Variants in IL19 observed in about 807,000 individuals in gnomAD.
The protein encoded by IL19 is interleukin 19, also known as interleukin-19.
A neutral mutation model predicts 19.5 loss-of-function variants in IL19; 15 were observed. The observed-to-expected ratio is 0.77, with a 90% CI of 0.52 to 1.19. The LOEUF (loss-of-function observed/expected upper bound fraction) is 1.19, where lower values mean the gene tolerates loss of function less well. Among genes scored for constraint, IL19 ranks in the 50% most tolerant of loss-of-function variants. The probability of loss-of-function intolerance (pLI) is 0.00; values close to 1 mark genes in which losing one functional copy is unlikely to be tolerated. For missense variants in IL19, 199 were observed against 213.1 expected (o/e 0.93, Z 0.41); for synonymous variants, 78 against 78.3 (o/e 1.00, Z 0.02).
intron 1 of IL19, among the ~76,000 whole-genome samples, chr1:206,797,187 A>G (rs1234029947): frequency 6.6e-6 from 1 of 152,196 alleles, no homozygotes; most frequent in East Asian, 1.9e-4. Flanking sequence ...GTCCGGGGTC[A>G]TAGTGACACA....
intron 4 of IL19, 44 bp from the exon 5 acceptor site, chr1:206,839,806 A>G: frequency 2.6e-6 from 4 of 1,550,784 alleles, no homozygotes; most frequent in Non-Finnish European, 3.5e-6. Flanking sequence ...CTCCAACATA[A>G]TGAGAGAAGA....
intron 1 of IL19, among the ~76,000 whole-genome samples, chr1:206,785,650 A>G (rs1675253951): frequency 6.6e-6 from 1 of 152,204 alleles, no homozygotes; most frequent in South Asian, 2.1e-4. Context: ...AGGGAGAGGG[A>G]GCAGAGTGTG....
intron 2 of IL19, among the ~76,000 whole-genome samples, chr1:206,811,781 A>G (rs1676019599): frequency 6.6e-6 from 1 of 152,170 alleles, no homozygotes; most frequent in African/African-American, 2.4e-5. Context: ...TAAAAGTCCC[A>G]GCCAGCCCCC....
intron 1 of IL19, among the ~76,000 whole-genome samples, chr1:206,796,186 G>T (rs1017541085): frequency 6.6e-6 from 1 of 152,112 alleles, no homozygotes; most frequent in African/African-American, 2.4e-5. Flanking sequence ...AGGCAGAAAA[G>T]GGGAATTCTC....
At chr1:206,833,772 T>A in intron 2 of IL19, 1 of 985,450 alleles carries the variant, frequency 1.0e-6, no homozygotes. Flanking sequence ...GGGGACAAGA[T>A]GAAGGGGAAA....
chr1:206,776,516 C>A (rs1001844458), intron 1 of IL19, among the ~76,000 whole-genome samples: 4 of 151,798 alleles, frequency 2.6e-5, no homozygotes, highest in Non-Finnish European at 5.9e-5. Flanking sequence ...AAAGAATCTG[C>A]CTCCCATTAG....
intron 1 of IL19, among the ~76,000 whole-genome samples, chr1:206,798,418 G>A (rs938942143): frequency 7.2e-5 from 11 of 152,168 alleles, no homozygotes; most frequent in African/African-American, 2.4e-4. Context: ...ACAGAGCAAA[G>A]GAAAGTGGGA....
intron 2 of IL19, among the ~76,000 whole-genome samples, chr1:206,806,785 C>T (rs57461190): frequency 0.28 from 42,734 of 151,844 alleles, 6,684 homozygotes; most frequent in East Asian, 0.67. Context: ...ATCCGGACCA[C>T]TGTCACAGCC....
chr1:206,808,906 C>G (rs780795971), intron 2 of IL19, among the ~76,000 whole-genome samples: 1 of 151,978 alleles, frequency 6.6e-6, no homozygotes, highest in Non-Finnish European at 1.5e-5. Flanking sequence ...GAAAGGACAG[C>G]CTGGGTGGGA....
chr1:206,811,729 A>G (rs545522541), intron 2 of IL19, among the ~76,000 whole-genome samples: 3 of 152,276 alleles, frequency 2.0e-5, no homozygotes, highest in African/African-American at 7.2e-5. Flanking sequence ...CTGAATTCCT[A>G]GCTTGCCAAC....
chr1:206,800,968 C>G (rs942950706), intron 2 of IL19, among the ~76,000 whole-genome samples: 1 of 152,198 alleles, frequency 6.6e-6, no homozygotes, highest in African/African-American at 2.4e-5. Context: ...AGACATTACT[C>G]CTGCCTGTGG....
At chr1:206,806,146 A>T (rs1675838839) in intron 2 of IL19, among the ~76,000 whole-genome samples, 1 of 152,178 alleles carries the variant, frequency 6.6e-6, no homozygotes, top group Non-Finnish European at 1.5e-5. Context: ...CCCTTGAATC[A>T]ATCTATGCAA....
At chr1:206,822,109 A>G (rs1222057417) in intron 2 of IL19, among the ~76,000 whole-genome samples, 1 of 152,210 alleles carries the variant, frequency 6.6e-6, no homozygotes, top group Non-Finnish European at 1.5e-5. Flanking sequence ...GTTCTGGGCT[A>G]AGCCTGAAAT....
intron 1 of IL19, among the ~76,000 whole-genome samples, chr1:206,772,974 C>T (rs1374896478): frequency 2.6e-5 from 4 of 152,154 alleles, no homozygotes; most frequent in African/African-American, 7.2e-5. Flanking sequence ...CTTAGTTTCC[C>T]CAAGTAAAAA....
chr1:206,793,621 A>G (rs1367329577), intron 1 of IL19, among the ~76,000 whole-genome samples: 1 of 152,344 alleles, frequency 6.6e-6, no homozygotes, highest in East Asian at 1.9e-4. Context: ...ACAAAATGGC[A>G]CATCCTCTCA....
intron 1 of IL19, among the ~76,000 whole-genome samples, chr1:206,795,610 C>A (rs11583398): frequency 0.099 from 15,032 of 152,200 alleles, 982 homozygotes; most frequent in Middle Eastern, 0.16. Flanking sequence ...AGCTAGTCTA[C>A]CTTCTTCCTC....
chr1:206,837,611 G>T (rs1676843281), intron 4 of IL19, among the ~76,000 whole-genome samples: 1 of 132,760 alleles, frequency 7.5e-6, no homozygotes, highest in Admixed American at 8.1e-5. Flanking sequence ...CATTTTGGGA[G>T]GCTGAGGCTG....
At chr1:206,807,018 A>G (rs1675863988) in intron 2 of IL19, among the ~76,000 whole-genome samples, 3 of 152,190 alleles carry the variant, frequency 2.0e-5, no homozygotes. Flanking sequence ...AGGGCTGGGG[A>G]GGCCTCAGGA....
intron 2 of IL19, among the ~76,000 whole-genome samples, chr1:206,832,183 T>C (rs561952327): frequency 2.6e-5 from 4 of 152,354 alleles, no homozygotes; most frequent in South Asian, 2.1e-4. Context: ...CAGAAAGATG[T>C]CCATTAGCTC....
Sources: allele counts gnomAD v4.1 joint callset (sites outside exome capture counted in the v4.1 genomes callset), GRCh38; gene constraint gnomAD v4.1.1; transcripts MANE v1.5; gene names NCBI Gene and HGNC (gene_info 2026-07-23, HGNC 2026-07-21).